DNAJC3: variants seen among roughly 807,000 people sequenced by gnomAD.
DNAJC3 encodes the protein dnaJ homolog subfamily C member 3.
In DNAJC3, 38 loss-of-function variants were observed where a neutral mutation model predicts 68.6. The observed-to-expected ratio is 0.55, with a 90% confidence interval of 0.43 to 0.73. The LOEUF is 0.73. Among genes scored for constraint, DNAJC3 ranks in the 30% least tolerant of loss-of-function variants. The pLI, the probability that DNAJC3 is intolerant of heterozygous loss-of-function variation, is 0.00. For synonymous variants in DNAJC3, 203 were observed against 204.0 expected (o/e 1.00, Z 0.04); for missense variants, 526 against 591.9 (o/e 0.89, Z 1.16).
In DNAJC3 at chr13:95,792,238, C is replaced by CTAT. The variant is rs1463520007; in HGVS notation, c.*1210_*1212dup. 1 of 152,202 alleles carries CTAT rather than the reference C, an allele frequency of 6.6e-6. No homozygotes were observed. The highest frequency in any genetic ancestry group is 2.4e-5 in the African/African-American group (1 of 41,458). 9.4% of individuals were successfully genotyped at this position (152,202 alleles called of 1,614,324 possible). A position where few individuals can be genotyped will look rare whatever the true frequency, so the allele number is the denominator to read the frequency against. On this transcript the variant is annotated 3_prime_UTR_variant, in exon 12 of 12. Transcript: ENST00000602402. ...GTTCTTCTTACCTTTTAAGAAGATACTATTTAAGAAGTGAACTATTCAGTC... is the reference window on the plus strand; with the variant it reads ...GTTCTTCTTACCTTTTAAGAAGATACTATTATTTAAGAAGTGAACTATTCAGTC...
At chr13:95,692,728 G>A (rs1880309219) in intron 1 of DNAJC3, 1 of 151,754 alleles carries the variant, frequency 6.6e-6, no homozygotes, top group Non-Finnish European at 1.5e-5. Flanking sequence ...CAAAACAATG[G>A]TAGCACTCTC....
chr13:95,691,234 C>T (rs769267178), intron 1 of DNAJC3, among the ~76,000 whole-genome samples: 277 of 151,936 alleles, frequency 1.8e-3, no homozygotes, highest in African/African-American at 2.4e-3. Flanking sequence ...GGCTGCCGGG[C>T]GGAGACGCTC....
rs549945935 is a variant in DNAJC3, at chr13:95,732,890, T to A, written c.393+7638T>A. On this transcript the variant is annotated intron_variant, in intron 4 of 11. Coordinates refer to ENST00000602402, the MANE Select transcript of DNAJC3 (RefSeq NM_006260.5). ...CCATTTTCATTTGTTTCAAAAAAAT[T>A]TTTTTATTTCCATCTTAATTTCTTG... Among the ~76,000 whole-genome samples the A allele has an allele frequency of 3.6e-3, 543 of 152,238 alleles. 3 individuals carry two copies. Among genetic ancestry groups the A allele is most frequent in the African/African-American group, 0.012 (517 of 41,570 alleles).
intron 4 of DNAJC3, among the ~76,000 whole-genome samples, chr13:95,728,593 A>G (rs1245580937): frequency 6.6e-6 from 1 of 152,178 alleles, no homozygotes. Flanking sequence ...GTAGTTTACA[A>G]ATATTTTCCC....
At chr13:95,723,103 C>CT (rs1413348240) in intron 2 of DNAJC3, 139 bp from the exon 3 acceptor site, 3 of 830,088 alleles carry the variant, frequency 3.6e-6, no homozygotes, top group Non-Finnish European at 3.5e-6. Context: ...CAACATGACT[C>CT]TTTTTTGATG....
chr13:95,778,375 G>A (rs1883344651), intron 9 of DNAJC3, among the ~76,000 whole-genome samples: 1 of 152,170 alleles, frequency 6.6e-6, no homozygotes, highest in Non-Finnish European at 1.5e-5. Context: ...ATGCTCAGGT[G>A]AGTTATTTGC....
chr13:95,770,005 T>G (rs1883115945), intron 9 of DNAJC3, among the ~76,000 whole-genome samples: 2 of 152,156 alleles, frequency 1.3e-5, no homozygotes, highest in Non-Finnish European at 1.5e-5. Flanking sequence ...GTGTTGGAAG[T>G]AAAAAGTGCT....
At chr13:95,759,484 T>G (rs993935513) in intron 5 of DNAJC3, among the ~76,000 whole-genome samples, 2 of 152,122 alleles carry the variant, frequency 1.3e-5, no homozygotes, top group Non-Finnish European at 2.9e-5. Context: ...GTTAATAATT[T>G]TAAACTTTTT....
chr13:95,748,353 G>T (rs895757349), intron 4 of DNAJC3, among the ~76,000 whole-genome samples: 1 of 152,104 alleles, frequency 6.6e-6, no homozygotes, highest in Non-Finnish European at 1.5e-5. Flanking sequence ...TAAGACATTT[G>T]ATAAACTCTC....
intron 4 of DNAJC3, among the ~76,000 whole-genome samples, chr13:95,748,688 C>T (rs936970597): frequency 1.3e-5 from 2 of 152,102 alleles, no homozygotes; most frequent in East Asian, 1.9e-4. Context: ...TGTTGGCACA[C>T]GCCTGTAATC....
At chr13:95,779,119 C>CTTTTTTTTTTTTTT (rs142933580) in intron 9 of DNAJC3, among the ~76,000 whole-genome samples, 1 of 97,974 alleles carries the variant, frequency 1.0e-5, no homozygotes, top group Non-Finnish European at 1.9e-5. Flanking sequence ...TTTCTTCTTT[C>CTTTTTTTTTTTTTT]TTTTTTTTTT....
At position 95,743,122 on chromosome 13, in the gene DNAJC3, T is replaced by C. The variant is rs537279361; in HGVS notation, c.394-14522T>C. Among the ~76,000 whole-genome samples the C allele has an allele frequency of 3.3e-5, 5 of 152,396 alleles. No homozygotes were observed. The South Asian group carries it at 1.0e-3, about 32-fold the overall frequency. On this transcript the variant is annotated intron_variant, in intron 4 of 11. Coordinates refer to ENST00000602402, the MANE Select transcript of DNAJC3 (RefSeq NM_006260.5). ...GGGACTATTTCTAGGTTCTTTATTC[T>C]GTTCCTTTGATCTGTGTGTCTGTCC...
intron 2 of DNAJC3, among the ~76,000 whole-genome samples, chr13:95,717,659 C>G (rs1289502803): frequency 6.6e-6 from 1 of 152,066 alleles, no homozygotes; most frequent in Non-Finnish European, 1.5e-5. Context: ...GGGATGGTTC[C>G]CCCCATACTG....
chr13:95,790,693 A>AAAAT (rs1482210864), intron 11 of DNAJC3, among the ~76,000 whole-genome samples, 180 bp from the exon 12 acceptor site: 1 of 151,970 alleles, frequency 6.6e-6, no homozygotes, highest in Non-Finnish European at 1.5e-5. Flanking sequence ...AAATTTCTCT[A>AAAAT]GTCTGTTTCT....
chr13:95,727,382 G>A (rs1478927672), intron 4 of DNAJC3, among the ~76,000 whole-genome samples: 2 of 152,178 alleles, frequency 1.3e-5, no homozygotes, highest in Non-Finnish European at 2.9e-5. Flanking sequence ...GAAACAAGGA[G>A]GTGGACTCTC....
intron 2 of DNAJC3, among the ~76,000 whole-genome samples, chr13:95,710,194 C>G (rs1272079190): frequency 6.7e-6 from 1 of 149,954 alleles, no homozygotes; most frequent in East Asian, 2.0e-4. Context: ...TAAATAGGTT[C>G]TTAGTGAAGG....
At chr13:95,769,161 A>T (rs1039461906) in intron 9 of DNAJC3, among the ~76,000 whole-genome samples, 8 of 152,196 alleles carry the variant, frequency 5.3e-5, no homozygotes, top group African/African-American at 1.9e-4. Flanking sequence ...ATTCCTTATG[A>T]GATAAACATT....
chr13:95,713,856 G>A (rs749612667), intron 2 of DNAJC3, among the ~76,000 whole-genome samples: 6 of 152,162 alleles, frequency 3.9e-5, no homozygotes, highest in South Asian at 2.1e-4. Context: ...TTTCAGGGAT[G>A]AGTCAGATAC....
At chr13:95,786,125 A>C (rs1205482678) in intron 10 of DNAJC3, 54 bp downstream of exon 10, 2 of 1,492,696 alleles carry the variant, frequency 1.3e-6, no homozygotes, top group East Asian at 2.4e-5. Context: ...TCTGTTTCAA[A>C]GCTAATCATT....
Sources: gnomAD v4.1 joint callset for allele counts (sites outside exome capture counted in the v4.1 genomes callset) on GRCh38, gnomAD v4.1.1 for gene constraint, MANE v1.5 for transcripts, NCBI Gene and HGNC (gene_info 2026-07-23, HGNC 2026-07-21) for gene names.